Variants in DPYSL5 observed in about 807,000 individuals in gnomAD.
DPYSL5 encodes dihydropyrimidinase like 5, also known as dihydropyrimidinase-related protein 5.
In DPYSL5, 9 loss-of-function variants were observed where a neutral mutation model predicts 58.4. The ratio of observed to expected loss-of-function variants is 0.15; its 90% CI spans 0.09 to 0.27. DPYSL5 has a LOEUF of 0.27. DPYSL5 is among the 10% of genes least tolerant of loss of function. The pLI is 1.00. For synonymous variants in DPYSL5, 293 were observed against 301.9 expected, an observed-to-expected ratio of 0.97 and a Z score of 0.31; for missense variants, 499 against 770.6, an observed-to-expected ratio of 0.65 and a Z score of 4.17.
Position 26,942,007 on chromosome 2 carries a change from A to G in DPYSL5, c.1147A>G (p.Lys383Glu). The part of the protein sequence containing the change: ...FVAVTSSNAA[K>E]LLNLYPRKGR... ...GGCCGTTACCAGTTCCAACGCAGCTAAGCTTCTGAACCTGTATCCCCGCAA... is the reference window on the plus strand; with the variant it reads ...GGCCGTTACCAGTTCCAACGCAGCTGAGCTTCTGAACCTGTATCCCCGCAA... The change falls in exon 10 of 13, where the codon AAG becomes GAG. Residue 383 changes from lysine (K) to glutamate (E), a missense_variant. Physicochemically the swap from Lys to Glu is moderately conservative, Grantham distance 56. Transcript: ENST00000288699. This position sits in a 1 kb window ranked among gnomAD's most constrained non-coding sequence, Gnocchi z 5.9. 6.2e-7 allele frequency: 1 copy of G among 1,614,190 alleles called. No homozygotes were observed. Among genetic ancestry groups the G allele is most frequent in the Non-Finnish European group, 8.5e-7 (1 of 1,180,036 alleles).
rs574268448 is a variant in DPYSL5, at chr2:26,888,090, A to G, written c.-4-10406A>G. Among the ~76,000 whole-genome samples, 24 of 152,336 alleles carry G rather than the reference A, an allele frequency of 1.6e-4. No homozygotes were observed. The East Asian group carries it at 4.6e-3, about 29-fold the overall frequency. On this transcript the variant is annotated intron_variant, in intron 1 of 12. Transcript: ENST00000288699. ...CCTTCAGTTCAAGGTCACTGTTGAC[A>G]AAGTCCAGGGATTGGAGTGAAAATT...
chr2:26,936,420 G>T (rs1194569569), intron 8 of DPYSL5, among the ~76,000 whole-genome samples: 1 of 152,172 alleles, frequency 6.6e-6, no homozygotes, highest in Non-Finnish European at 1.5e-5. Context: ...ACAGAGTTGG[G>T]GGGTGCAGGG....
chr2:26,868,429 A>C (rs1663167431), intron 1 of DPYSL5, among the ~76,000 whole-genome samples: 1 of 152,152 alleles, frequency 6.6e-6, no homozygotes, highest in Non-Finnish European at 1.5e-5. Context: ...GGTGGTACGC[A>C]GTCTCCCAGG....
chr2:26,853,566 A>G (rs892323493), intron 1 of DPYSL5, among the ~76,000 whole-genome samples: 1 of 152,200 alleles, frequency 6.6e-6, no homozygotes, highest in Non-Finnish European at 1.5e-5. Context: ...TCAGTTCTCC[A>G]GGATAACTGG....
intron 6 of DPYSL5, among the ~76,000 whole-genome samples, chr2:26,932,924 G>A (rs1038536573): frequency 6.6e-6 from 1 of 152,138 alleles, no homozygotes; most frequent in Admixed American, 6.5e-5. Context: ...ATTAAAATAG[G>A]AAAAAGAGTT....
chr2:26,912,932 G>A (rs1401397438), intron 2 of DPYSL5, among the ~76,000 whole-genome samples: 1 of 152,194 alleles, frequency 6.6e-6, no homozygotes, highest in Admixed American at 6.5e-5. Context: ...GAGCCCCTCC[G>A]TCAGGCCAGG....
intron 5 of DPYSL5, 136 bp downstream of exon 5, chr2:26,928,459 C>T: frequency 1.0e-6 from 1 of 973,704 alleles, no homozygotes; most frequent in Non-Finnish European, 1.6e-6. Flanking sequence ...ATTTGGGAGG[C>T]TGAGGTGGGT....
chr2:26,910,116 C>T (rs566458), intron 2 of DPYSL5, among the ~76,000 whole-genome samples: 3,154 of 152,252 alleles, frequency 0.021, 116 homozygotes, highest in African/African-American at 0.072. Flanking sequence ...ATGCGATATG[C>T]ATTCCTTTTT....
At position 26,947,102 on chromosome 2, in the gene DPYSL5, C is replaced by A; in HGVS notation, c.*107C>A. 1.0e-6 allele frequency: 1 copy of A among 999,414 alleles called. No homozygotes were observed. Among genetic ancestry groups the A allele is most frequent in the South Asian group, 1.5e-5 (1 of 65,956 alleles). The allele number at this position is 999,414 out of a possible 1,614,324, so 61.9% of individuals were successfully genotyped here. On this transcript the variant is annotated 3_prime_UTR_variant, in exon 13 of 13. Coordinates refer to ENST00000288699, the MANE Select transcript of DPYSL5 (RefSeq NM_020134.4). This position sits in a 1 kb window ranked among gnomAD's most constrained non-coding sequence, Gnocchi z 4.2. ...AGGCTGGGCTGGGTGGCACACCACC[C>A]GAGGGGGGCCCCGGGACCCACGGAG...
intron 8 of DPYSL5, 133 bp from the exon 9 acceptor site, chr2:26,939,898 C>A: frequency 8.3e-7 from 1 of 1,206,360 alleles, no homozygotes; most frequent in Non-Finnish European, 1.2e-6. Context: ...GACCACATGG[C>A]CTAAGCGGCA....
rs1004943717 is a variant in DPYSL5 at position 26,924,188 on chromosome 2, C to T, written c.262-699C>T. On this transcript the variant is annotated intron_variant, in intron 2 of 12. Coordinates refer to ENST00000288699, the MANE Select transcript of DPYSL5 (RefSeq NM_020134.4). The surrounding 1 kb of genome is among the most constrained non-coding windows in gnomAD (Gnocchi z 4.7). ...AATTTCTTTTTAAAGTGGTATCTTG[C>T]GGAGTTGTGAATAGGATCCGTTTTC... Among the ~76,000 whole-genome samples the T allele has an allele frequency of 5.9e-5, 9 of 152,034 alleles. No individual in the cohort carries two copies. The highest frequency in any genetic ancestry group is 6.5e-5 in the Admixed American group (1 of 15,268).
intron 1 of DPYSL5, among the ~76,000 whole-genome samples, chr2:26,854,116 A>T (rs1665821061): frequency 6.6e-6 from 1 of 152,168 alleles, no homozygotes; most frequent in Admixed American, 6.5e-5. Flanking sequence ...CAACATTTAG[A>T]TGAATCTTTT....
At position 26,934,754 on chromosome 2, in the gene DPYSL5, C is replaced by T. The variant is rs1314051952; in HGVS notation, c.947+20C>T. ...GGCCAAGTAAGGCGTTTCAGCAGCACATTGCAGGGATGTGTACATCTTTAG... is the reference window on the plus strand; with the variant it reads ...GGCCAAGTAAGGCGTTTCAGCAGCATATTGCAGGGATGTGTACATCTTTAG... On this transcript the variant is annotated intron_variant, in intron 8 of 12. Transcript: ENST00000288699. The surrounding 1 kb of genome is among the most constrained non-coding windows in gnomAD (Gnocchi z 4.3). 6.2e-7 allele frequency: 1 copy of T among 1,613,540 alleles called. No homozygotes were observed.
intron 1 of DPYSL5, among the ~76,000 whole-genome samples, chr2:26,881,144 G>A (rs549516209): frequency 4.6e-5 from 7 of 152,238 alleles, no homozygotes; most frequent in African/African-American, 1.7e-4. Flanking sequence ...CAAGGTCACT[G>A]CCCTCACCTG....
chr2:26,907,751 A>G (rs917832015), intron 2 of DPYSL5, among the ~76,000 whole-genome samples: 1 of 152,196 alleles, frequency 6.6e-6, no homozygotes, highest in Non-Finnish European at 1.5e-5. Context: ...CAGCTCCAGG[A>G]TGTCACTTTC....
chr2:26,931,227 A>G (rs1489485610), intron 5 of DPYSL5, among the ~76,000 whole-genome samples: 5 of 127,658 alleles, frequency 3.9e-5, no homozygotes, highest in African/African-American at 1.4e-4. Flanking sequence ...ATATATATAT[A>G]TATGAATTAT....
intron 1 of DPYSL5, among the ~76,000 whole-genome samples, chr2:26,887,603 A>G (rs532919911): frequency 6.6e-6 from 1 of 152,372 alleles, no homozygotes; most frequent in South Asian, 2.1e-4. Context: ...TTGTCCACTC[A>G]GCAAGATGCT....
At position 26,898,459 on chromosome 2, in the gene DPYSL5, A is replaced by C; in HGVS notation, c.-4-37A>C. ...GGATGGGAAACTGGAAACAGTGAGAAGGGACTTTGACCTTGACCATGCTCA... is the reference window on the plus strand; with the variant it reads ...GGATGGGAAACTGGAAACAGTGAGACGGGACTTTGACCTTGACCATGCTCA... On this transcript the variant is annotated intron_variant, in intron 1 of 12. Coordinates refer to ENST00000288699, the MANE Select transcript of DPYSL5 (RefSeq NM_020134.4). This position sits in a 1 kb window ranked among gnomAD's most constrained non-coding sequence, Gnocchi z 6.1. 2 of 1,599,426 alleles carry C rather than the reference A, an allele frequency of 1.3e-6. No individual in the cohort carries two copies. The highest frequency in any genetic ancestry group is 1.3e-5 in the African/African-American group (1 of 74,870).
chr2:26,881,279 G>C (rs367756472), intron 1 of DPYSL5, among the ~76,000 whole-genome samples: 11 of 152,142 alleles, frequency 7.2e-5, no homozygotes, highest in African/African-American at 2.4e-4. Context: ...CAGCCTAGTG[G>C]TATCACTGCC....
Sources: gnomAD v4.1 joint callset for allele counts (sites outside exome capture counted in the v4.1 genomes callset) on GRCh38, gnomAD v4.1.1 for gene constraint, Gnocchi (gnomAD v3.1) non-coding constraint, MANE v1.5 for transcripts, NCBI Gene and HGNC (gene_info 2026-07-23, HGNC 2026-07-21) for gene names.